The following MTMR10 variants were observed in gnomAD, a reference collection of about 807,000 sequenced individuals.
The protein encoded by MTMR10 is myotubularin-related protein 10.
In MTMR10, 56 loss-of-function variants were observed where a neutral mutation model predicts 88.1. The observed-to-expected ratio is 0.64, with a 90% CI of 0.51 to 0.79. The LOEUF is 0.79. MTMR10 is among the 30% of genes least tolerant of loss of function. The pLI is 0.00. For missense variants in MTMR10, 883 were observed against 924.7 expected (o/e 0.95, Z 0.58); for synonymous variants, 380 against 340.9 (o/e 1.11, Z -1.26).
chr15:30,964,156 T>G (rs1260545428), intron 6 of MTMR10, among the ~76,000 whole-genome samples: 1 of 152,210 alleles, frequency 6.6e-6, no homozygotes, highest in Non-Finnish European at 1.5e-5. Context: ...ATTACTGCTA[T>G]TCAACACTGA....
At chr15:30,930,340 C>T in the MTMR10 span, among the ~76,000 whole-genome samples, 1 of 152,184 alleles carries the variant, frequency 6.6e-6, no homozygotes, top group Admixed American at 6.5e-5. Flanking sequence ...ACAGGAGGAC[C>T]AGTCTCCCAC....
At chr15:30,929,727 A>G in the MTMR10 span, among the ~76,000 whole-genome samples, 1 of 71,676 alleles carries the variant, frequency 1.4e-5, no homozygotes, top group Non-Finnish European at 2.2e-5. Context: ...TATATATAAA[A>G]TATATAATAT....
At position 30,943,080 on chromosome 15, in the gene MTMR10, A is replaced by G. The variant is rs1233926005; in HGVS notation, c.1549-8T>C. On this transcript the variant is annotated splice_polypyrimidine_tract_variant and splice_region_variant and intron_variant, in intron 14 of 15. Transcript: ENST00000435680. ...TTTGCTTATAGCAAATTCCTGCAAA[A>G]TAAATAAATAAATATTTGCAAAACT... 2 of 1,517,560 alleles carry G rather than the reference A, an allele frequency of 1.3e-6. No individual in the cohort carries two copies. Among genetic ancestry groups the G allele is most frequent in the Admixed American group, 2.4e-5 (1 of 41,438 alleles). The allele number at this position is 1,517,560 out of a possible 1,614,324, so 94.0% of individuals were successfully genotyped here. A position where few individuals can be genotyped will look rare whatever the true frequency, so the allele number is the denominator to read the frequency against.
chr15:30,975,635 T>G (rs1042683405), intron 3 of MTMR10, among the ~76,000 whole-genome samples: 1 of 152,158 alleles, frequency 6.6e-6, no homozygotes, highest in Non-Finnish European at 1.5e-5. Flanking sequence ...CCCTACACAG[T>G]GGGTATCTTT....
Position 30,943,354 on chromosome 15 carries a change from G to T in MTMR10, c.1549-282C>A, listed in dbSNP as rs577613230. On this transcript the variant is annotated intron_variant, in intron 14 of 15. Coordinates refer to ENST00000435680, the MANE Select transcript of MTMR10 (RefSeq NM_017762.3). ...GGCAATAAGAATGTTATTAAGAGAAGTTTCACTAACATGATACTAGAAAGT... is the reference window on the plus strand; with the variant it reads ...GGCAATAAGAATGTTATTAAGAGAATTTTCACTAACATGATACTAGAAAGT... The T allele has an allele frequency of 1.7e-5, 17 of 985,118 alleles. No homozygotes were observed. In the African/African-American group the frequency reaches 2.8e-4, roughly 16 times the overall value. The allele number at this position is 985,118 out of a possible 1,614,324, so 61.0% of individuals were successfully genotyped here.
At chr15:30,969,676 A>T (rs2063514379) in intron 5 of MTMR10, among the ~76,000 whole-genome samples, 2 of 152,154 alleles carry the variant, frequency 1.3e-5, no homozygotes, top group African/African-American at 4.8e-5. Context: ...TGCTCTCCTG[A>T]TAATCTGCTG....
At chr15:30,928,549 T>C in the MTMR10 span, 1 of 1,560,782 alleles carries the variant, frequency 6.4e-7, no homozygotes, top group Non-Finnish European at 8.8e-7. Context: ...TGACCTTGTC[T>C]TAGGGATTCA....
intron 14 of MTMR10, 56 bp downstream of exon 14, chr15:30,947,074 C>T: frequency 6.6e-7 from 1 of 1,513,694 alleles, no homozygotes; most frequent in Non-Finnish European, 8.9e-7. Context: ...TTCAATTATG[C>T]CTCGATAAAG....
the MTMR10 span, among the ~76,000 whole-genome samples, chr15:30,924,712 G>A: frequency 6.6e-6 from 1 of 152,180 alleles, no homozygotes; most frequent in Non-Finnish European, 1.5e-5. Flanking sequence ...TGGCCCCCAT[G>A]CGTGGGCTCC....
At chr15:30,927,162 T>G in the MTMR10 span, 1 of 944,502 alleles carries the variant, frequency 1.1e-6, no homozygotes, top group Non-Finnish European at 1.3e-6. Context: ...TGAGCCAAGA[T>G]TGTGCCACTG....
intron 6 of MTMR10, among the ~76,000 whole-genome samples, chr15:30,962,154 C>T (rs1170209540): frequency 6.6e-6 from 1 of 152,188 alleles, no homozygotes; most frequent in African/African-American, 2.4e-5. Flanking sequence ...CCTAGACTTG[C>T]ATTTCCTTAG....
chr15:30,932,716 C>T, the MTMR10 span, among the ~76,000 whole-genome samples: 10 of 134,348 alleles, frequency 7.4e-5, no homozygotes, highest in South Asian at 2.3e-4. Context: ...TGTTTCTTTT[C>T]TTTTTTTTTT....
downstream of MTMR10, among the ~76,000 whole-genome samples, chr15:30,936,355 AG>A (rs1256638759): frequency 7.2e-5 from 11 of 152,300 alleles, no homozygotes; most frequent in Middle Eastern, 3.4e-3. Context: ...AACAGCAAGT[AG>A]CAAGTGGAAG....
the MTMR10 span, chr15:30,925,910 C>A: frequency 1.9e-6 from 3 of 1,614,070 alleles, no homozygotes; most frequent in African/African-American, 4.0e-5. Context: ...CTGGCACTGG[C>A]CCATTACAGA....
chr15:30,938,939 C>A (rs1369478097), downstream of MTMR10: 2 of 985,258 alleles, frequency 2.0e-6, no homozygotes, highest in African/African-American at 1.7e-5. Context: ...CTGACAACAA[C>A]AAACAGTCGC....
intron 6 of MTMR10, among the ~76,000 whole-genome samples, chr15:30,964,383 C>A (rs1161255455): frequency 6.6e-6 from 1 of 152,160 alleles, no homozygotes; most frequent in Non-Finnish European, 1.5e-5. Context: ...GTTTCAAGAT[C>A]TAACTTACAC....
the MTMR10 span, chr15:30,928,037 G>T: frequency 2.0e-6 from 2 of 990,692 alleles, no homozygotes; most frequent in Non-Finnish European, 2.4e-6. Flanking sequence ...GTAGTACCCA[G>T]GGGGATGAGG....
At position 30,940,722 on chromosome 15, in the gene MTMR10, T is replaced by C; in HGVS notation, c.*748A>G. 1.0e-6 allele frequency: 1 copy of C among 989,352 alleles called. No homozygotes were observed. The highest frequency in any genetic ancestry group is 1.7e-5 in the African/African-American group (1 of 57,372). 61.3% of individuals were successfully genotyped at this position (989,352 alleles called of 1,614,324 possible). A position where few individuals can be genotyped will look rare whatever the true frequency, so the allele number is the denominator to read the frequency against. On this transcript the variant is annotated 3_prime_UTR_variant, in exon 16 of 16. Coordinates refer to ENST00000435680, the MANE Select transcript of MTMR10 (RefSeq NM_017762.3). Reference sequence around the variant, plus strand: ...GGACTCCTGGCTATGAAGCTTAGTATGAAAAGCCTATTTCAAATATGCAAT... The same window carrying C: ...GGACTCCTGGCTATGAAGCTTAGTACGAAAAGCCTATTTCAAATATGCAAT...
At chr15:30,947,971 A>G (rs1353983599) in intron 13 of MTMR10, among the ~76,000 whole-genome samples, 2 of 152,222 alleles carry the variant, frequency 1.3e-5, no homozygotes, top group Non-Finnish European at 2.9e-5. Context: ...TATGTATCCC[A>G]TTTTAAGAAA....
Sources: allele counts gnomAD v4.1 joint callset (sites outside exome capture counted in the v4.1 genomes callset), GRCh38; gene constraint gnomAD v4.1.1; transcripts MANE v1.5; gene names NCBI Gene and HGNC (gene_info 2026-07-23, HGNC 2026-07-21).